Variants in LRRC37A2 observed in about 807,000 individuals in gnomAD.
LRRC37A2 encodes the protein leucine-rich repeat-containing protein 37A2.
LRRC37A2 carries 9 observed loss-of-function variants against 68.8 expected under a neutral mutation model. That is an observed-to-expected ratio of 0.13 (90% confidence interval 0.08 to 0.23). LRRC37A2 has a LOEUF of 0.23. Among genes scored for constraint, LRRC37A2 ranks in the 10% least tolerant of loss-of-function variants. The pLI is 1.00. For missense variants in LRRC37A2, 168 were observed against 950.4 expected, an observed-to-expected ratio of 0.18 and a Z score of 10.82; for synonymous variants, 63 against 367.6, an observed-to-expected ratio of 0.17 and a Z score of 9.48.
chr17:46,522,465 G>A (rs1379113194), intron 4 of LRRC37A2, among the ~76,000 whole-genome samples: 835 of 123,532 alleles, frequency 6.8e-3, no homozygotes, highest in African/African-American at 0.026. Flanking sequence ...GTTTGTTTGA[G>A]ACGGAATCTC....
chr17:46,779,386 C>T, the LRRC37A2 span, among the ~76,000 whole-genome samples: 1 of 152,158 alleles, frequency 6.6e-6, no homozygotes, highest in African/African-American at 2.4e-5. Flanking sequence ...CCTGCCAGGC[C>T]TTCGCAGCTG....
intron 6 of LRRC37A2, among the ~76,000 whole-genome samples, chr17:46,530,256 G>A (rs1439044671): frequency 2.6e-5 from 3 of 116,472 alleles, no homozygotes; most frequent in East Asian, 2.9e-4. Flanking sequence ...AGGGGTAGCC[G>A]ACTTTGTACA....
the LRRC37A2 span, chr17:46,935,197 A>T: frequency 1.9e-6 from 3 of 1,613,108 alleles, no homozygotes; most frequent in Non-Finnish European, 2.5e-6. Context: ...GGACAGAGAG[A>T]AGGCCTCTTG....
chr17:46,770,142 G>A, the LRRC37A2 span: 2 of 1,438,056 alleles, frequency 1.4e-6, no homozygotes, highest in Admixed American at 2.5e-5. Flanking sequence ...AGGGGAACGA[G>A]GCCAGGAAGA....
At chr17:46,788,514 T>G in the LRRC37A2 span, among the ~76,000 whole-genome samples, 1 of 152,202 alleles carries the variant, frequency 6.6e-6, no homozygotes, top group Non-Finnish European at 1.5e-5. Context: ...CAGACTTCTA[T>G]TCATCCCTCA....
chr17:46,880,520 G>A, the LRRC37A2 span, among the ~76,000 whole-genome samples: 2 of 152,216 alleles, frequency 1.3e-5, no homozygotes, highest in Non-Finnish European at 2.9e-5. Context: ...TAGTGGGTGA[G>A]AAAGACAATA....
chr17:46,849,278 C>T, the LRRC37A2 span, among the ~76,000 whole-genome samples: 3 of 152,240 alleles, frequency 2.0e-5, no homozygotes, highest in Admixed American at 1.3e-4. Context: ...CATAGGCTTA[C>T]CCATCAGACA....
chr17:46,929,424 A>G, the LRRC37A2 span: 2 of 759,210 alleles, frequency 2.6e-6, no homozygotes, highest in Non-Finnish European at 4.8e-6. Flanking sequence ...GTCGATTTAA[A>G]TCAGTTACAT....
chr17:46,752,243 C>T, the LRRC37A2 span, among the ~76,000 whole-genome samples: 6 of 152,184 alleles, frequency 3.9e-5, no homozygotes, highest in African/African-American at 1.4e-4. Context: ...TTGGGACTTT[C>T]TCATATCTCC....
chr17:46,989,255 T>G, the LRRC37A2 span, among the ~76,000 whole-genome samples: 1 of 152,156 alleles, frequency 6.6e-6, no homozygotes, highest in Non-Finnish European at 1.5e-5. Context: ...AGAAACATAT[T>G]CAGGTCAGGA....
chr17:46,773,630 A>AACC, the LRRC37A2 span: 6 of 149,016 alleles, frequency 4.0e-5, no homozygotes, highest in South Asian at 2.3e-4. Context: ...CCCTCCCCCC[A>AACC]CCCAGCCCCT....
the LRRC37A2 span, among the ~76,000 whole-genome samples, chr17:46,833,905 T>G: frequency 6.6e-6 from 1 of 152,120 alleles, no homozygotes; most frequent in African/African-American, 2.4e-5. Flanking sequence ...CTGGACCATG[T>G]CCCATCCCAG....
At chr17:46,731,998 T>C in the LRRC37A2 span, among the ~76,000 whole-genome samples, 1 of 152,200 alleles carries the variant, frequency 6.6e-6, no homozygotes, top group Non-Finnish European at 1.5e-5. Context: ...CATTGTAAAA[T>C]GGAAGCATTC....
chr17:46,861,820 C>T, the LRRC37A2 span, among the ~76,000 whole-genome samples: 7 of 152,220 alleles, frequency 4.6e-5, no homozygotes, highest in East Asian at 1.2e-3. Flanking sequence ...CCTGGTGTTA[C>T]AATCCCTTTG....
chr17:46,737,004 A>G, the LRRC37A2 span, among the ~76,000 whole-genome samples: 11 of 152,220 alleles, frequency 7.2e-5, no homozygotes, highest in African/African-American at 2.7e-4. Context: ...TTGAAAGGAG[A>G]TCGGAAGTTT....
At chr17:47,023,214 A>T in the LRRC37A2 span, among the ~76,000 whole-genome samples, 3 of 152,218 alleles carry the variant, frequency 2.0e-5, no homozygotes, top group South Asian at 6.2e-4. Context: ...GCCTTTGTTC[A>T]TTTTCCTGTT....
At chr17:46,858,384 T>C in the LRRC37A2 span, among the ~76,000 whole-genome samples, 2 of 152,240 alleles carry the variant, frequency 1.3e-5, no homozygotes, top group African/African-American at 2.4e-5. Context: ...TTTTCTTGTA[T>C]GGTTTGTGCT....
At chr17:46,605,484 T>C in the LRRC37A2 span, among the ~76,000 whole-genome samples, 1 of 148,970 alleles carries the variant, frequency 6.7e-6, no homozygotes, top group African/African-American at 2.5e-5. Flanking sequence ...AAAAAAGATA[T>C]TACCTTCAAC....
the LRRC37A2 span, among the ~76,000 whole-genome samples, chr17:46,922,503 A>AC: frequency 2.8e-3 from 426 of 152,220 alleles, 1 homozygote; most frequent in Non-Finnish European, 4.9e-3. Flanking sequence ...AATAAAATAA[A>AC]GAAAAAAAAT....
Sources: allele counts gnomAD v4.1 joint callset (sites outside exome capture counted in the v4.1 genomes callset), GRCh38; gene constraint gnomAD v4.1.1; transcripts MANE v1.5; gene names NCBI Gene and HGNC (gene_info 2026-07-23, HGNC 2026-07-21).